EXOC4: variants seen among roughly 807,000 people sequenced by gnomAD.
EXOC4 encodes SEC8-like 1.
Under a neutral mutation model 107.2 loss-of-function variants are expected in EXOC4, and 71 were observed. That is an observed-to-expected ratio of 0.66 (90% CI 0.55 to 0.81). The LOEUF (loss-of-function observed/expected upper bound fraction) is 0.81, where lower values mean the gene tolerates loss of function less well. EXOC4 is among the 30% of genes least tolerant of loss of function. The pLI is 0.00. For synonymous variants in EXOC4, 456 were observed against 441.2 expected (o/e 1.03, Z -0.42); for missense variants, 1,108 against 1,189.6 (o/e 0.93, Z 1.01).
chr7:133,350,984 A>AT (rs1325453885), intron 5 of EXOC4, among the ~76,000 whole-genome samples: 3 of 151,942 alleles, frequency 2.0e-5, no homozygotes, highest in African/African-American at 7.2e-5. Flanking sequence ...ATTCCTGATT[A>AT]TTCTTTTTAA....
intron 11 of EXOC4, among the ~76,000 whole-genome samples, chr7:133,889,527 T>G (rs1469169407): frequency 1.4e-5 from 2 of 143,394 alleles, no homozygotes; most frequent in East Asian, 4.2e-4. Flanking sequence ...ACCCACTAAC[T>G]CGTCATCTAG....
intron 17 of EXOC4, among the ~76,000 whole-genome samples, chr7:134,036,145 AGTT>A (rs1179320668): frequency 6.6e-6 from 1 of 152,180 alleles, no homozygotes; most frequent in Non-Finnish European, 1.5e-5. Context: ...ATTACAGACA[AGTT>A]GTCTGTGCTG....
At chr7:133,262,691 C>A (rs1295625459) in intron 1 of EXOC4, among the ~76,000 whole-genome samples, 1 of 152,150 alleles carries the variant, frequency 6.6e-6, no homozygotes, top group Non-Finnish European at 1.5e-5. Context: ...ACCTGACCTA[C>A]CTGAGCTGAA....
In EXOC4 at chr7:133,749,955, G is replaced by GTTT. The variant is rs56902982; in HGVS notation, c.1515-67342_1515-67340dup. 8.7e-4 allele frequency among the ~76,000 whole-genome samples: 54 copies of GTTT among 62,110 alleles called. 1 individual carries two copies. Among genetic ancestry groups the GTTT allele is most frequent in the African/African-American group, 2.3e-3 (36 of 15,756 alleles). 40.7% of individuals were successfully genotyped at this position (62,110 alleles called of 152,430 possible). A position where few individuals can be genotyped will look rare whatever the true frequency, so the allele number is the denominator to read the frequency against. On this transcript the variant is annotated intron_variant, in intron 10 of 17. Coordinates refer to ENST00000253861, the MANE Select transcript of EXOC4 (RefSeq NM_021807.4). ...TTGGGCTTCCTAAAGGTGGTTGGCA[G>GTTT]TTTTTTTTTTTTTTTTTTTTTTTTT...
chr7:133,413,662 AGC>A (rs1250555203), intron 7 of EXOC4, among the ~76,000 whole-genome samples: 1 of 152,118 alleles, frequency 6.6e-6, no homozygotes, highest in Non-Finnish European at 1.5e-5. Flanking sequence ...CTTTGCTGGA[AGC>A]GCAGAAGAAT....
chr7:133,479,676 G>A, intron 8 of EXOC4: 1 of 214,418 alleles, frequency 4.7e-6, no homozygotes, highest in Non-Finnish European at 9.8e-6. Flanking sequence ...GGTGACTTCT[G>A]AGCTGGATGG....
At chr7:134,091,042 G>A in the EXOC4 span, among the ~76,000 whole-genome samples, 1 of 152,060 alleles carries the variant, frequency 6.6e-6, no homozygotes, top group East Asian at 2.0e-4. Flanking sequence ...AGATTAGGGG[G>A]TCTCTTCAGT....
intron 9 of EXOC4, among the ~76,000 whole-genome samples, chr7:133,526,875 G>A (rs1272252731): frequency 6.6e-6 from 1 of 152,150 alleles, no homozygotes; most frequent in Non-Finnish European, 1.5e-5. Flanking sequence ...GGGAGGCTGA[G>A]GCAGGAGAAT....
chr7:134,095,877 T>C, the EXOC4 span, among the ~76,000 whole-genome samples: 1 of 152,040 alleles, frequency 6.6e-6, no homozygotes, highest in Admixed American at 6.6e-5. Context: ...GAAGAAAACC[T>C]AGGAAACACC....
At chr7:133,326,091 G>A (rs924683660) in intron 5 of EXOC4, among the ~76,000 whole-genome samples, 57 of 152,068 alleles carry the variant, frequency 3.7e-4, no homozygotes, top group African/African-American at 1.4e-3. Flanking sequence ...CTCTACATTG[G>A]TTATTCTAGT....
At chr7:133,817,237 C>T in intron 10 of EXOC4, 88 bp from the exon 11 acceptor site, 1 of 864,148 alleles carries the variant, frequency 1.2e-6, no homozygotes, top group Non-Finnish European at 1.9e-6. Flanking sequence ...CAGAAATAGC[C>T]AACACTAGAT....
chr7:133,935,796 A>G (rs956326664), intron 13 of EXOC4, among the ~76,000 whole-genome samples: 2 of 152,216 alleles, frequency 1.3e-5, no homozygotes, highest in African/African-American at 4.8e-5. Context: ...TAAGACTTCC[A>G]TGAGTTGCTA....
chr7:133,648,394 T>TA (rs1803045806), intron 10 of EXOC4, among the ~76,000 whole-genome samples: 1 of 152,228 alleles, frequency 6.6e-6, no homozygotes, highest in South Asian at 2.1e-4. Context: ...TTCGTGGCAT[T>TA]ACATTATTTC....
intron 12 of EXOC4, among the ~76,000 whole-genome samples, chr7:133,910,737 G>GACGGC (rs1329371927): frequency 6.6e-6 from 1 of 152,186 alleles, no homozygotes; most frequent in Admixed American, 6.5e-5. Context: ...TAAATTGGAC[G>GACGGC]ACGGCACTTT....
chr7:133,817,137 C>G (rs1222766014), intron 10 of EXOC4, among the ~76,000 whole-genome samples, 188 bp from the exon 11 acceptor site: 2 of 151,960 alleles, frequency 1.3e-5, no homozygotes, highest in African/African-American at 4.8e-5. Flanking sequence ...CTGTTTCATC[C>G]TATTTCTATT....
chr7:133,938,214 T>G (rs1002645943), intron 14 of EXOC4, 145 bp downstream of exon 14: 23 of 759,608 alleles, frequency 3.0e-5, no homozygotes, highest in Middle Eastern at 3.8e-4. Flanking sequence ...CTGCTTGTGT[T>G]GCACCTCTTG....
intron 7 of EXOC4, among the ~76,000 whole-genome samples, chr7:133,416,225 G>A (rs1195056146): frequency 2.0e-5 from 3 of 152,050 alleles, no homozygotes; most frequent in African/African-American, 7.2e-5. Context: ...GAGAGAAATA[G>A]GGCTTGAAAG....
At chr7:133,909,236 G>A (rs976059146) in intron 12 of EXOC4, among the ~76,000 whole-genome samples, 2 of 152,150 alleles carry the variant, frequency 1.3e-5, no homozygotes, top group Admixed American at 1.3e-4. Flanking sequence ...GGCTAAAGGT[G>A]AAGAAGTGAA....
chr7:134,016,091 G>T (rs1326190329), intron 17 of EXOC4, among the ~76,000 whole-genome samples: 1 of 152,120 alleles, frequency 6.6e-6, no homozygotes, highest in Non-Finnish European at 1.5e-5. Flanking sequence ...CTACAGTCAA[G>T]TAAGATAAGG....
Sources: allele counts gnomAD v4.1 joint callset (sites outside exome capture counted in the v4.1 genomes callset), GRCh38; gene constraint gnomAD v4.1.1; transcripts MANE v1.5; gene names NCBI Gene and HGNC (gene_info 2026-07-23, HGNC 2026-07-21).